GRB2: variants seen among roughly 807,000 people sequenced by gnomAD.
GRB2 encodes the protein growth factor receptor-bound protein 2.
Under a neutral mutation model 27.4 loss-of-function variants are expected in GRB2, and 2 were observed. The ratio of observed to expected loss-of-function variants is 0.07; its 90% CI spans 0.03 to 0.23. The LOEUF (loss-of-function observed/expected upper bound fraction) is 0.23, where lower values mean the gene tolerates loss of function less well. Ranked by LOEUF, GRB2 falls within the 10% of genes least tolerant of loss-of-function variation. The probability of loss-of-function intolerance (pLI) is 1.00; values close to 1 mark genes in which losing one functional copy is unlikely to be tolerated. For missense variants in GRB2, 102 were observed against 282.4 expected, an observed-to-expected ratio of 0.36 and a Z score of 4.58; for synonymous variants, 94 against 99.6, an observed-to-expected ratio of 0.94 and a Z score of 0.33.
At chr17:75,354,264 TGGGGGG>T (rs755108476) in intron 2 of GRB2, among the ~76,000 whole-genome samples, 1 of 38,250 alleles carries the variant, frequency 2.6e-5, no homozygotes, top group African/African-American at 8.3e-5. Flanking sequence ...TCTTTTTTTT[TGGGGGG>T]GGGGGGGAGA....
Position 75,380,061 on chromosome 17 carries a change from A to G in GRB2, c.78+13490T>C, listed in dbSNP as rs542949896. ...AGCGCCAATTTGTTTATTCGTAGAG[A>G]AAACAGCTGAACATGTCATGTTTCT... is the stretch of plus-strand genomic sequence containing the variant. On this transcript the variant is annotated intron_variant, in intron 2 of 5. Transcript: ENST00000316804. 6.6e-5 allele frequency among the ~76,000 whole-genome samples: 10 copies of G among 152,370 alleles called. No individual in the cohort carries two copies. The South Asian group carries it at 2.1e-3, about 32-fold the overall frequency.
intron 3 of GRB2, among the ~76,000 whole-genome samples, chr17:75,329,162 A>G (rs1000139801): frequency 6.6e-6 from 1 of 151,920 alleles, no homozygotes; most frequent in Non-Finnish European, 1.5e-5. Context: ...ACTCCCCACC[A>G]CTGCCACTTC....
chr17:75,325,240 T>A (rs1405284565), intron 4 of GRB2, among the ~76,000 whole-genome samples: 1 of 151,310 alleles, frequency 6.6e-6, no homozygotes, highest in African/African-American at 2.4e-5. Flanking sequence ...GAGGGTCCTA[T>A]GATAATACAT....
Position 75,363,369 on chromosome 17 carries a change from A to G in GRB2, c.78+30182T>C, listed in dbSNP as rs73996036. Among the ~76,000 whole-genome samples, 663 of 152,254 alleles carry G rather than the reference A, an allele frequency of 4.4e-3. 5 individuals carry two copies. Among genetic ancestry groups the G allele is most frequent in the African/African-American group, 0.015 (620 of 41,532 alleles). Reference sequence around the variant, plus strand: ...CAGTCTCATTTCATTTTCTGCTTCTAAACTTTCTCCATGGAGTATCTTTTC... The same window carrying G: ...CAGTCTCATTTCATTTTCTGCTTCTGAACTTTCTCCATGGAGTATCTTTTC... On this transcript the variant is annotated intron_variant, in intron 2 of 5. Transcript: ENST00000316804.
chr17:75,338,589 C>A (rs1446979394), intron 2 of GRB2, among the ~76,000 whole-genome samples: 1 of 152,174 alleles, frequency 6.6e-6, no homozygotes, highest in East Asian at 1.9e-4. Context: ...TTTGTAGCCA[C>A]ACGACACTTT....
intron 2 of GRB2, among the ~76,000 whole-genome samples, chr17:75,342,991 A>G (rs1368460823): frequency 7.4e-6 from 1 of 135,240 alleles, no homozygotes; most frequent in Non-Finnish European, 1.5e-5. Context: ...CGAGGCCTGC[A>G]GTGACCTGTG....
At chr17:75,324,366 AT>A (rs1156329058) in intron 4 of GRB2, among the ~76,000 whole-genome samples, 16,783 of 93,644 alleles carry the variant, frequency 0.18, 1,163 homozygotes, top group Middle Eastern at 0.33. Flanking sequence ...CCATTTTTGT[AT>A]TTTTTTTTTT....
At chr17:75,322,178 G>C (rs1213961419) in intron 4 of GRB2, among the ~76,000 whole-genome samples, 1 of 152,146 alleles carries the variant, frequency 6.6e-6, no homozygotes, top group African/African-American at 2.4e-5. Flanking sequence ...TTCGAGACCA[G>C]CCTGGCCAAC....
chr17:75,383,639 C>T (rs901674006), intron 2 of GRB2, among the ~76,000 whole-genome samples: 3 of 152,022 alleles, frequency 2.0e-5, no homozygotes, highest in South Asian at 2.1e-4. Flanking sequence ...GTCAGGAGTT[C>T]GAGACCAGCC....
chr17:75,378,227 T>C (rs1487772140), intron 2 of GRB2, among the ~76,000 whole-genome samples: 1 of 152,110 alleles, frequency 6.6e-6, no homozygotes, highest in East Asian at 1.9e-4. Context: ...CCGTCTCTAC[T>C]AAAAATACAA....
chr17:75,378,315 G>GAGT lies in GRB2; in HGVS notation c.78+15235_78+15236insACT, dbSNP rs1567872239. On this transcript the variant is annotated intron_variant, in intron 2 of 5. Transcript: ENST00000316804. ...TGAGGCAGGAGAATCACAGGAGGGCGGAGGTTGTAGTGAGCTGAGATCTCG... is the reference window on the plus strand; with the variant it reads ...TGAGGCAGGAGAATCACAGGAGGGCGAGTGAGGTTGTAGTGAGCTGAGATCTCG... Among the ~76,000 whole-genome samples the GAGT allele has an allele frequency of 2.0e-5, 3 of 152,068 alleles. No individual in the cohort carries two copies. The East Asian group carries it at 5.8e-4, about 29-fold the overall frequency.
At chr17:75,391,100 A>G (rs2078995425) in intron 2 of GRB2, among the ~76,000 whole-genome samples, 1 of 152,078 alleles carries the variant, frequency 6.6e-6, no homozygotes, top group Admixed American at 6.6e-5. Context: ...CATTTCACAC[A>G]GTTATGAGAC....
chr17:75,363,859 C>CAAAAAAAAAAAAAAAAAAA (rs55746272), intron 2 of GRB2, among the ~76,000 whole-genome samples: 4 of 58,536 alleles, frequency 6.8e-5, no homozygotes, highest in African/African-American at 2.7e-4. Context: ...GACTCCGTCT[C>CAAAAAAAAAAAAAAAAAAA]AAAAAAAAAA....
At chr17:75,363,274 A>G (rs1197845163) in intron 2 of GRB2, among the ~76,000 whole-genome samples, 3 of 152,232 alleles carry the variant, frequency 2.0e-5, no homozygotes, top group Admixed American at 6.5e-5. Flanking sequence ...CCACTCATAA[A>G]TAAGGAACTG....
rs1250331045 is a variant in GRB2 at position 75,344,765 on chromosome 17, A to G, written c.79-11968T>C. Reference sequence around the variant, plus strand: ...GTCCTTTTCATCCTTTCACTAACAGAAGGAGGCTTTTAATCTTACATGAAA... The same window carrying G: ...GTCCTTTTCATCCTTTCACTAACAGGAGGAGGCTTTTAATCTTACATGAAA... On this transcript the variant is annotated intron_variant, in intron 2 of 5. Transcript: ENST00000316804. Among the ~76,000 whole-genome samples the G allele has an allele frequency of 2.0e-5, 3 of 152,044 alleles. No individual in the cohort carries two copies. The East Asian group carries it at 5.8e-4, about 29-fold the overall frequency.
In GRB2 at chr17:75,320,037, G is replaced by A. The variant is rs2078447533; in HGVS notation, c.*331C>T. 2 of 188,452 alleles carry A rather than the reference G, an allele frequency of 1.1e-5. No individual in the cohort carries two copies. The highest frequency in any genetic ancestry group is 5.5e-5 in the Admixed American group (1 of 18,108). 11.7% of individuals were successfully genotyped at this position (188,452 alleles called of 1,614,324 possible). On this transcript the variant is annotated 3_prime_UTR_variant, in exon 6 of 6. Coordinates refer to ENST00000316804, the MANE Select transcript of GRB2 (RefSeq NM_002086.5). The surrounding 1 kb of genome is among the most constrained non-coding windows in gnomAD (Gnocchi z 4.3). ...TGGTTTCTTGTTTTTTATTATTGGC[G>A]TCAGCTAGGACTATACGTGGCCTTA...
chr17:75,355,118 C>A (rs2145843281), intron 2 of GRB2, among the ~76,000 whole-genome samples: 1 of 152,296 alleles, frequency 6.6e-6, no homozygotes, highest in East Asian at 1.9e-4. Flanking sequence ...AGGACCTGTA[C>A]TCGTACTTTT....
At chr17:75,333,025 C>T (rs1237982622) in intron 2 of GRB2, among the ~76,000 whole-genome samples, 1 of 151,730 alleles carries the variant, frequency 6.6e-6, no homozygotes, top group East Asian at 1.9e-4. Flanking sequence ...GGCTCCCAAA[C>T]ATCTGGAATG....
chr17:75,387,608 C>A (rs926896017), intron 2 of GRB2: 1 of 151,866 alleles, frequency 6.6e-6, no homozygotes, highest in African/African-American at 2.4e-5. Flanking sequence ...ACCAGCCTGG[C>A]CAACATGATA....
Sources: allele counts gnomAD v4.1 joint callset (sites outside exome capture counted in the v4.1 genomes callset), GRCh38; gene constraint gnomAD v4.1.1; non-coding constraint Gnocchi (gnomAD v3.1); transcripts MANE v1.5; gene names NCBI Gene and HGNC (gene_info 2026-07-23, HGNC 2026-07-21).